GPC5: variants seen among roughly 807,000 people sequenced by gnomAD.
The protein encoded by GPC5 is glypican 5.
In GPC5, 47 loss-of-function variants were observed where a neutral mutation model predicts 53.9. That is an observed-to-expected ratio of 0.87 (90% confidence interval 0.69 to 1.11). The LOEUF (loss-of-function observed/expected upper bound fraction) is 1.11, where lower values mean the gene tolerates loss of function less well. Ranked by LOEUF, GPC5 falls within the 50% of genes most tolerant of loss-of-function variation. The pLI, the probability that GPC5 is intolerant of heterozygous loss-of-function variation, is 0.00. For missense variants in GPC5, 748 were observed against 713.1 expected, an observed-to-expected ratio of 1.05 and a Z score of -0.56; for synonymous variants, 286 against 263.3, an observed-to-expected ratio of 1.09 and a Z score of -0.84.
chr13:92,578,117 T>G (rs1236456234), intron 7 of GPC5, among the ~76,000 whole-genome samples: 2 of 152,148 alleles, frequency 1.3e-5, no homozygotes, highest in Admixed American at 6.6e-5. Context: ...CCCTAGCTCC[T>G]TTTGCAGTAG....
At chr13:92,689,310 C>T (rs1396456019) in intron 7 of GPC5, among the ~76,000 whole-genome samples, 1 of 25,574 alleles carries the variant, frequency 3.9e-5, no homozygotes, top group Non-Finnish European at 1.2e-4. Context: ...GATCCCTTTA[C>T]CATTATGTAA....
intron 3 of GPC5, among the ~76,000 whole-genome samples, chr13:91,704,156 T>G (rs777579231): frequency 2.4e-4 from 37 of 152,132 alleles, no homozygotes; most frequent in Non-Finnish European, 4.7e-4. Context: ...AATATGTACC[T>G]TTTTATCTAG....
At chr13:92,335,807 A>T (rs1347072307) in intron 7 of GPC5, among the ~76,000 whole-genome samples, 2 of 152,174 alleles carry the variant, frequency 1.3e-5, no homozygotes, top group African/African-American at 4.8e-5. Flanking sequence ...AGACGACCTT[A>T]GCCTGGACTT....
chr13:92,829,222 C>T (rs1877962391), intron 7 of GPC5, among the ~76,000 whole-genome samples: 1 of 152,122 alleles, frequency 6.6e-6, no homozygotes, highest in African/African-American at 2.4e-5. Flanking sequence ...TGCCACAATA[C>T]ATTTTCTGAA....
At chr13:92,767,355 C>T (rs2138744769) in intron 7 of GPC5, among the ~76,000 whole-genome samples, 1 of 152,184 alleles carries the variant, frequency 6.6e-6, no homozygotes, top group African/African-American at 2.4e-5. Flanking sequence ...CCTGTAATCC[C>T]AGCTACTTGG....
At chr13:92,512,254 G>GCC (rs1189390334) in intron 7 of GPC5, among the ~76,000 whole-genome samples, 1 of 151,684 alleles carries the variant, frequency 6.6e-6, no homozygotes, top group African/African-American at 2.4e-5. Flanking sequence ...GTGTGTGCGC[G>GCC]CGCGCGCGCG....
chr13:91,554,908 A>T (rs968710145), intron 2 of GPC5, among the ~76,000 whole-genome samples: 1 of 152,076 alleles, frequency 6.6e-6, no homozygotes, highest in Non-Finnish European at 1.5e-5. Context: ...CTCTTAGCCC[A>T]TCTCCCACTT....
At chr13:92,693,232 G>A (rs986366232) in intron 7 of GPC5, among the ~76,000 whole-genome samples, 1 of 152,092 alleles carries the variant, frequency 6.6e-6, no homozygotes, top group Non-Finnish European at 1.5e-5. Flanking sequence ...ACTAATATAG[G>A]AAATGGGTAC....
At chr13:92,820,435 C>T (rs941877148) in intron 7 of GPC5, among the ~76,000 whole-genome samples, 19 of 152,264 alleles carry the variant, frequency 1.2e-4, no homozygotes, top group African/African-American at 4.6e-4. Flanking sequence ...TTGTTCACAG[C>T]CCTTCTCCTG....
intron 7 of GPC5, among the ~76,000 whole-genome samples, chr13:92,657,797 T>C (rs1445527544): frequency 6.6e-6 from 1 of 152,082 alleles, no homozygotes; most frequent in Non-Finnish European, 1.5e-5. Context: ...AATTTTTTAC[T>C]TCTAAGGTTA....
chr13:92,444,894 A>T lies in GPC5; in HGVS notation c.1561+299905A>T, dbSNP rs566878784. Among the ~76,000 whole-genome samples the T allele has an allele frequency of 2.0e-5, 3 of 152,250 alleles. No homozygotes were observed. The South Asian group carries it at 6.2e-4, about 32-fold the overall frequency. ...TGACTCAGAGGTCAAGCTGAAAAAG[A>T]CAGAATTGTTTGAATAGATGTGGCA... On this transcript the variant is annotated intron_variant, in intron 7 of 7. Coordinates refer to ENST00000377067, the MANE Select transcript of GPC5 (RefSeq NM_004466.6).
chr13:92,025,973 T>C (rs757060776), intron 6 of GPC5, among the ~76,000 whole-genome samples: 2 of 152,134 alleles, frequency 1.3e-5, no homozygotes, highest in African/African-American at 2.4e-5. Context: ...AGAAAACTAT[T>C]GCAATAAAAT....
At chr13:92,331,346 A>G (rs549395695) in intron 7 of GPC5, among the ~76,000 whole-genome samples, 1 of 152,260 alleles carries the variant, frequency 6.6e-6, no homozygotes, top group South Asian at 2.1e-4. Flanking sequence ...GGTTTAAGCT[A>G]TTTCCTCTCA....
At chr13:91,833,973 A>T (rs115064219) in intron 5 of GPC5, among the ~76,000 whole-genome samples, 1 of 152,154 alleles carries the variant, frequency 6.6e-6, no homozygotes, top group African/African-American at 2.4e-5. Flanking sequence ...TGCAGATGTC[A>T]TGAGTGTATA....
chr13:92,090,106 G>T (rs1489222713), intron 6 of GPC5, among the ~76,000 whole-genome samples: 2 of 152,138 alleles, frequency 1.3e-5, no homozygotes, highest in Non-Finnish European at 2.9e-5. Context: ...AAAACTTGAA[G>T]TATAGTCTCT....
At chr13:91,407,244 G>C (rs1483345552) in intron 1 of GPC5, among the ~76,000 whole-genome samples, 1 of 152,074 alleles carries the variant, frequency 6.6e-6, no homozygotes, top group Non-Finnish European at 1.5e-5. Context: ...GTTAATTTTT[G>C]CTTACATAAC....
intron 7 of GPC5, among the ~76,000 whole-genome samples, chr13:92,215,956 G>T (rs1328001027): frequency 3.3e-5 from 5 of 152,176 alleles, no homozygotes; most frequent in Non-Finnish European, 5.9e-5. Context: ...ACAGTGCATG[G>T]TGAGAGGGTC....
intron 7 of GPC5, among the ~76,000 whole-genome samples, chr13:92,628,260 C>CTTT (rs1286424637): frequency 1.6e-4 from 6 of 37,552 alleles, no homozygotes; most frequent in African/African-American, 4.9e-4. Context: ...TTTTCTTTTT[C>CTTT]TTTCTTTTTT....
rs11839910 is a variant in GPC5, at chr13:92,082,202, T to C, written c.1402-62628T>C. Among the ~76,000 whole-genome samples, 350 of 152,284 alleles carry C rather than the reference T, an allele frequency of 2.3e-3. 3 individuals are homozygous for C. Among genetic ancestry groups the C allele is most frequent in the African/African-American group, 7.9e-3 (328 of 41,550 alleles). Reference sequence around the variant, plus strand: ...TGCCGTTGCTGAGACATTATATATATATGGGCCATTGAATTATGATACTCT... The same window carrying C: ...TGCCGTTGCTGAGACATTATATATACATGGGCCATTGAATTATGATACTCT... On this transcript the variant is annotated intron_variant, in intron 6 of 7. Transcript: ENST00000377067.
Sources: allele counts gnomAD v4.1 joint callset (sites outside exome capture counted in the v4.1 genomes callset), GRCh38; gene constraint gnomAD v4.1.1; transcripts MANE v1.5; gene names NCBI Gene and HGNC (gene_info 2026-07-23, HGNC 2026-07-21).